The following ARHGEF11 variants were observed in gnomAD, a reference collection of about 807,000 sequenced individuals.
ARHGEF11 encodes the protein Rho guanine exchange factor (GEF) 11.
ARHGEF11 carries 55 observed loss-of-function variants against 193.7 expected under a neutral mutation model. That is an observed-to-expected ratio of 0.28 (90% CI 0.23 to 0.36). The LOEUF (loss-of-function observed/expected upper bound fraction) is 0.36. Among genes scored for constraint, ARHGEF11 ranks in the 10% least tolerant of loss-of-function variants. The pLI is 1.00. For missense variants in ARHGEF11, 1,723 were observed against 2,005.6 expected, an observed-to-expected ratio of 0.86 and a Z score of 2.69; for synonymous variants, 693 against 768.0, an observed-to-expected ratio of 0.90 and a Z score of 1.62.
intron 37 of ARHGEF11, 150 bp downstream of exon 37, chr1:156,939,398 T>C (rs1656267875): frequency 9.6e-7 from 1 of 1,039,726 alleles, no homozygotes; most frequent in Non-Finnish European, 1.4e-6. Flanking sequence ...CTGCCTGATA[T>C]CGGCGTTGTC....
rs1571189003 is a variant in ARHGEF11, at chr1:156,947,108, G to A, written c.2489-93C>T. 4 of 1,532,386 alleles carry A rather than the reference G, an allele frequency of 2.6e-6. No individual in the cohort carries two copies. The East Asian group carries it at 9.0e-5, about 35-fold the overall frequency. The allele number at this position is 1,532,386 out of a possible 1,614,324, so 94.9% of individuals were successfully genotyped here. On this transcript the variant is annotated intron_variant, in intron 26 of 40. Coordinates refer to ENST00000368194, the MANE Select transcript of ARHGEF11 (RefSeq NM_198236.3). ...AGAGAAGTGAATCTCTGACAGCAGTGCCATGGGAAGGGTCTGGAAACCATT... is the reference window on the plus strand; with the variant it reads ...AGAGAAGTGAATCTCTGACAGCAGTACCATGGGAAGGGTCTGGAAACCATT...
At chr1:156,992,859 G>A (rs1665959918) in intron 1 of ARHGEF11, among the ~76,000 whole-genome samples, 1 of 152,086 alleles carries the variant, frequency 6.6e-6, no homozygotes, top group Non-Finnish European at 1.5e-5. Context: ...ATACGAGTTC[G>A]AACTTAAGGT....
chr1:157,036,601 C>T (rs1029822366), intron 1 of ARHGEF11, among the ~76,000 whole-genome samples: 8 of 152,002 alleles, frequency 5.3e-5, no homozygotes, highest in Admixed American at 2.0e-4. Context: ...GGATTACAGG[C>T]GTGAGCCACC....
Position 156,951,665 on chromosome 1 carries a change from G to A in ARHGEF11, c.1833C>T (p.His611=). The A allele has an allele frequency of 6.2e-7, 1 of 1,614,200 alleles. No individual in the cohort carries two copies. The highest frequency in any genetic ancestry group is 1.3e-5 in the African/African-American group (1 of 75,042). The part of the protein sequence containing the change: ...KPGNVRNIIQ[H]FENNQQYDAP... The stretch of plus-strand genomic sequence containing the variant: ...CATCATACTGCTGGTTGTTCTCAAA[G>A]TGCTGAATGATGTTCCTCACATTGC... Residue 611 remains histidine, a synonymous_variant, in exon 22 of 41, where the codon CAC becomes CAT. Transcript: ENST00000368194.
rs888681883 is a variant in ARHGEF11, at chr1:156,963,097, G to A, written c.1140+106C>T. 6.1e-6 allele frequency: 5 copies of A among 825,052 alleles called. No individual in the cohort carries two copies. In the African/African-American group the frequency reaches 8.5e-5, roughly 14 times the overall value. The allele number at this position is 825,052 out of a possible 1,614,324, so 51.1% of individuals were successfully genotyped here. A position where few individuals can be genotyped will look rare whatever the true frequency, so the allele number is the denominator to read the frequency against. The stretch of plus-strand genomic sequence containing the variant: ...GTCTGTCCTTGAAATGCCTGACTGT[G>A]CCCATGGATCTGACTTGTAACAGCC... On this transcript the variant is annotated intron_variant, in intron 13 of 40. Coordinates refer to ENST00000368194, the MANE Select transcript of ARHGEF11 (RefSeq NM_198236.3).
At chr1:157,007,259 G>A (rs556104772) in intron 1 of ARHGEF11, among the ~76,000 whole-genome samples, 7 of 152,286 alleles carry the variant, frequency 4.6e-5, no homozygotes, top group East Asian at 1.9e-4. Context: ...GAGAATGAGA[G>A]AATAAAATGG....
At chr1:156,959,788 C>G (rs1660514857) in intron 15 of ARHGEF11, among the ~76,000 whole-genome samples, 1 of 152,256 alleles carries the variant, frequency 6.6e-6, no homozygotes, top group East Asian at 1.9e-4. Context: ...GCTGACATCA[C>G]CTTAGACTGC....
At chr1:157,029,537 A>G (rs1475503261) in intron 1 of ARHGEF11, among the ~76,000 whole-genome samples, 1 of 152,084 alleles carries the variant, frequency 6.6e-6, no homozygotes, top group Non-Finnish European at 1.5e-5. Flanking sequence ...CTCCCAAAGC[A>G]CTGGGATTAC....
intron 32 of ARHGEF11, 95 bp downstream of exon 32, chr1:156,943,840 G>T: frequency 7.0e-7 from 1 of 1,424,866 alleles, no homozygotes; most frequent in Non-Finnish European, 9.5e-7. Context: ...GGACAGGTAG[G>T]TCCTGTAAAG....
intron 14 of ARHGEF11, 30 bp from the exon 15 acceptor site, chr1:156,960,490 G>T: frequency 1.2e-6 from 2 of 1,612,744 alleles, no homozygotes; most frequent in Non-Finnish European, 1.7e-6. Flanking sequence ...AGCAGAAGCA[G>T]TCAGGTCTGC....
Position 156,955,748 on chromosome 1 carries a change from G to A in ARHGEF11, c.1723C>T (p.Pro575Ser), listed in dbSNP as rs1337265856. ...GGCTTCCCAATGTATTTGAGGATAGGGTTTCGCTTCTTGTCCTCCAAGGCA... is the reference window on the plus strand; with the variant it reads ...GGCTTCCCAATGTATTTGAGGATAGAGTTTCGCTTCTTGTCCTCCAAGGCA... ...KDALEDKKRN[P>S]ILKYIGKPKS... Residue 575 changes from proline (P) to serine (S), a missense_variant, in exon 20 of 41, where the codon CCT (proline) becomes TCT (serine). Pro to Ser is a moderately conservative substitution (Grantham distance 74). Around this residue, in one of 5 missense-constraint regions of ARHGEF11, gnomAD observed 491 missense variants for 654.5 expected, o/e 0.75. Coordinates refer to ENST00000368194, the MANE Select transcript of ARHGEF11 (RefSeq NM_198236.3). 3.1e-6 allele frequency: 5 copies of A among 1,614,068 alleles called. No individual in the cohort carries two copies. Among genetic ancestry groups the A allele is most frequent in the Non-Finnish European group, 4.2e-6 (5 of 1,180,030 alleles).
chr1:156,939,263 G>A (rs1656234982), intron 37 of ARHGEF11: 2 of 423,304 alleles, frequency 4.7e-6, no homozygotes, highest in Admixed American at 8.0e-5. Context: ...TTTGTGCCAG[G>A]CAGAAAGAAA....
At chr1:157,046,501 T>C (rs887413791), upstream of ARHGEF11, among the ~76,000 whole-genome samples, 1 of 152,174 alleles carries the variant, frequency 6.6e-6, no homozygotes, top group Non-Finnish European at 1.5e-5. Context: ...GCCTCCTTCG[T>C]GGTGTCAGTT....
chr1:156,945,937 C>T lies in ARHGEF11; in HGVS notation c.2812+108G>A. The T allele has an allele frequency of 4.7e-6, 4 of 845,024 alleles. No individual in the cohort carries two copies. The South Asian group carries it at 4.9e-5, about 10-fold the overall frequency. 52.3% of individuals were successfully genotyped at this position (845,024 alleles called of 1,614,324 possible). On this transcript the variant is annotated intron_variant, in intron 29 of 40. Coordinates refer to ENST00000368194, the MANE Select transcript of ARHGEF11 (RefSeq NM_198236.3). ...CCACAACAGAAAAAGGACGAAGACA[C>T]CAAAGACCACAAGGCACAGTGACTT... is the stretch of plus-strand genomic sequence containing the variant.
At position 157,044,956 on chromosome 1, in the gene ARHGEF11, G is replaced by A. The variant is rs1400553119; in HGVS notation, c.-626C>T. 3 of 152,824 alleles carry A rather than the reference G, an allele frequency of 2.0e-5. No homozygotes were observed. Among genetic ancestry groups the A allele is most frequent in the East Asian group, 1.9e-4 (1 of 5,226 alleles). 9.5% of individuals were successfully genotyped at this position (152,824 alleles called of 1,614,324 possible). A position where few individuals can be genotyped will look rare whatever the true frequency, so the allele number is the denominator to read the frequency against. ...AATAAATAAAACCATACAATAGTAT[G>A]TACACAACAGCACTCCTTCCAAGTC... is the stretch of plus-strand genomic sequence containing the variant. On this transcript the variant is annotated 5_prime_UTR_variant, in exon 1 of 41. Coordinates refer to ENST00000368194, the MANE Select transcript of ARHGEF11 (RefSeq NM_198236.3).
intron 21 of ARHGEF11, 149 bp from the exon 22 acceptor site, chr1:156,951,848 T>C (rs1659158454): frequency 9.5e-7 from 1 of 1,050,934 alleles, no homozygotes; most frequent in Non-Finnish European, 1.4e-6. Flanking sequence ...TGTGTTCTGG[T>C]CCTGGCTCTT....
chr1:157,035,840 T>C lies in ARHGEF11; in HGVS notation c.32+8459A>G, dbSNP rs970121471. On this transcript the variant is annotated intron_variant, in intron 1 of 40. Transcript: ENST00000368194. ...TATAGGAATATATATATGGAATATA[T>C]ATATGTATATATTTAGGAATATATA... 1.1e-3 allele frequency among the ~76,000 whole-genome samples: 150 copies of C among 142,452 alleles called. 11 individuals carry two copies. Among genetic ancestry groups the C allele is most frequent in the African/African-American group, 3.6e-3 (139 of 38,724 alleles). 93.5% of individuals were successfully genotyped at this position (142,452 alleles called of 152,430 possible).
At position 156,969,314 on chromosome 1, in the gene ARHGEF11, A is replaced by C. The variant is rs1360389040; in HGVS notation, c.793T>G (p.Ser265Ala). Residue 265 changes from serine (S) to alanine (A), a missense_variant, in exon 10 of 41, where the codon TCT (serine) becomes GCT (alanine). By Grantham distance (99) the Ser-to-Ala change is moderately conservative (BLOSUM62 1). This residue lies in a region of ARHGEF11 where 646 missense variants were observed against 710.7 expected (regional missense o/e 0.91). Transcript: ENST00000368194. The part of the protein sequence containing the change: ...DSQEGDSGLD[S>A]GTERFPSLSE... ...AGGGAAGGAAAGCGTTCTGTCCCAG[A>C]GTCCAAGCCACTGTCCCCCTCCTGG... 3.7e-6 allele frequency: 6 copies of C among 1,607,798 alleles called. No homozygotes were observed. The highest frequency in any genetic ancestry group is 5.1e-6 in the Non-Finnish European group (6 of 1,177,200).
At chr1:157,008,060 A>G (rs1164241265) in intron 1 of ARHGEF11, among the ~76,000 whole-genome samples, 2 of 152,138 alleles carry the variant, frequency 1.3e-5, no homozygotes, top group Non-Finnish European at 2.9e-5. Context: ...ACCTAGCCCT[A>G]TTCAGTTCTC....
Sources: allele counts gnomAD v4.1 joint callset (sites outside exome capture counted in the v4.1 genomes callset), GRCh38; gene constraint gnomAD v4.1.1; regional missense constraint gnomAD v4.1.1; transcripts MANE v1.5; gene names NCBI Gene and HGNC (gene_info 2026-07-23, HGNC 2026-07-21).